PGR: variants seen among roughly 807,000 people sequenced by gnomAD.
The protein encoded by PGR is nuclear receptor subfamily 3 group C member 3.
PGR carries 25 observed loss-of-function variants against 76.1 expected under a neutral mutation model. The ratio of observed to expected loss-of-function variants is 0.33; its 90% CI spans 0.24 to 0.46. The LOEUF (loss-of-function observed/expected upper bound fraction) is 0.46, where lower values mean the gene tolerates loss of function less well. Ranked by LOEUF, PGR falls within the 20% of genes least tolerant of loss-of-function variation. PGR has a pLI of 1.00. For missense variants in PGR, 1,172 were observed against 1,225.3 expected (o/e 0.96, Z 0.65); for synonymous variants, 579 against 535.0 (o/e 1.08, Z -1.14).
chr11:101,090,685 C>G (rs778720627), intron 3 of PGR, among the ~76,000 whole-genome samples: 4 of 152,226 alleles, frequency 2.6e-5, no homozygotes, highest in Non-Finnish European at 4.4e-5. Flanking sequence ...TTAAGCCAGG[C>G]ACTACTGTCA....
In PGR at chr11:101,031,309, T is replaced by TG. The variant is rs1859344560; in HGVS notation, c.*7806dup. 1 of 223,458 alleles carries TG rather than the reference T, an allele frequency of 4.5e-6. No homozygotes were observed. Among genetic ancestry groups the TG allele is most frequent in the Non-Finnish European group, 8.9e-6 (1 of 111,946 alleles). 13.8% of individuals were successfully genotyped at this position (223,458 alleles called of 1,614,324 possible). On this transcript the variant is annotated 3_prime_UTR_variant, in exon 8 of 8. Coordinates refer to ENST00000325455, the MANE Select transcript of PGR (RefSeq NM_000926.4). ...GCATAACTAACAAGGGACTGGTGTA[T>TG]GGCCAGTGAGGACCTGGAGAAAGAA...
At chr11:101,055,207 G>C (rs1182011199) in intron 4 of PGR, among the ~76,000 whole-genome samples, 1 of 151,972 alleles carries the variant, frequency 6.6e-6, no homozygotes, top group East Asian at 1.9e-4. Context: ...AAGGTCAAGA[G>C]ATTGAGACCA....
At chr11:101,069,243 C>CA (rs1253858873) in intron 3 of PGR, among the ~76,000 whole-genome samples, 1 of 151,656 alleles carries the variant, frequency 6.6e-6, no homozygotes, top group East Asian at 1.9e-4. Context: ...TTTATGTGGC[C>CA]AAAAAACATG....
rs753083284 is a variant in PGR, at chr11:101,127,700, G to T, written c.1371C>A (p.Thr457=). The change falls in exon 1 of 8, where the codon ACC becomes ACA. Residue 457 remains threonine (T), a synonymous_variant. Transcript: ENST00000325455. ...SVSSASSSGS[T]LECILYKAEG... is the part of the protein sequence containing the mutation. Reference sequence around the variant, plus strand: ...CCGCTTTGTACAGGATGCACTCCAGGGTCGACCCCGAGGAGGACGCAGACG... The same window carrying T: ...CCGCTTTGTACAGGATGCACTCCAGTGTCGACCCCGAGGAGGACGCAGACG... 3.7e-5 allele frequency: 58 copies of T among 1,582,976 alleles called. No homozygotes were observed. The highest frequency in any genetic ancestry group is 4.8e-5 in the Non-Finnish European group (56 of 1,173,690).
Position 101,128,855 on chromosome 11 carries a change from T to C in PGR, c.216A>G (p.Glu72=). ...ACAGCGACTGCTGGTCCTGCGTCTT[T>C]TCGTCGGAGGGGTCCTGTCCCTGGC... is the stretch of plus-strand genomic sequence containing the variant. The part of the protein sequence containing the change: ...RPCQGQDPSD[E]KTQDQQSLSD... The change falls in exon 1 of 8, where the codon GAA becomes GAG. Residue 72 remains glutamate (E), a synonymous_variant. Transcript: ENST00000325455. 1 of 1,614,152 alleles carries C rather than the reference T, an allele frequency of 6.2e-7. No individual in the cohort carries two copies. The highest frequency in any genetic ancestry group is 8.5e-7 in the Non-Finnish European group (1 of 1,180,030).
At chr11:101,071,128 A>T (rs983291653) in intron 3 of PGR, among the ~76,000 whole-genome samples, 5 of 152,150 alleles carry the variant, frequency 3.3e-5, no homozygotes, top group Non-Finnish European at 7.3e-5. Flanking sequence ...AGAGGAAGGA[A>T]CAGGCAGCAA....
At chr11:101,078,804 A>G (rs888846440) in intron 3 of PGR, among the ~76,000 whole-genome samples, 2 of 152,226 alleles carry the variant, frequency 1.3e-5, no homozygotes, top group African/African-American at 4.8e-5. Context: ...ATTCTACTGT[A>G]AGATTTTATT....
At chr11:101,081,795 C>G (rs890996585) in intron 3 of PGR, among the ~76,000 whole-genome samples, 1 of 152,194 alleles carries the variant, frequency 6.6e-6, no homozygotes, top group Non-Finnish European at 1.5e-5. Context: ...ATACCTGCTT[C>G]CACATAAACA....
At chr11:101,091,717 T>G in intron 3 of PGR, 43 bp downstream of exon 3, 3 of 985,344 alleles carry the variant, frequency 3.0e-6, no homozygotes, top group Non-Finnish European at 4.9e-6. Context: ...TTTTATAGTA[T>G]AAAGATTACA....
rs11571253 is a variant in PGR, at chr11:101,041,826, T to C, written c.2646+119A>G. The C allele has an allele frequency of 6.6e-4, 590 of 890,116 alleles. 3 individuals carry two copies. The African/African-American group carries it at 9.8e-3, about 15-fold the overall frequency. The allele number at this position is 890,116 out of a possible 1,614,324, so 55.1% of individuals were successfully genotyped here. On this transcript the variant is annotated intron_variant, in intron 7 of 7. Transcript: ENST00000325455. ...TCTGAGCAGCATGATCCAAACACTTTTAACATACAAGTATTAATCTGAGAA... is the reference window on the plus strand; with the variant it reads ...TCTGAGCAGCATGATCCAAACACTTCTAACATACAAGTATTAATCTGAGAA...
chr11:101,123,683 C>T (rs898765540), intron 2 of PGR, among the ~76,000 whole-genome samples: 1 of 152,174 alleles, frequency 6.6e-6, no homozygotes, highest in Non-Finnish European at 1.5e-5. Flanking sequence ...ATGTTCATAT[C>T]TTCCATGTAG....
chr11:101,069,953 T>G (rs1180098818), intron 3 of PGR, among the ~76,000 whole-genome samples: 2 of 151,460 alleles, frequency 1.3e-5, no homozygotes, highest in South Asian at 2.1e-4. Context: ...TGTATATCTA[T>G]GTAACAAACC....
rs484389 is a variant in PGR, at chr11:101,039,078, A to G, written c.*38T>C. ...AATCCTGACCAAAACAAAAAGACAT[A>G]CCACAAAATTTAATTCTTTAAAAGA... On this transcript the variant is annotated 3_prime_UTR_variant, in exon 8 of 8. Coordinates refer to ENST00000325455, the MANE Select transcript of PGR (RefSeq NM_000926.4). 0.24 allele frequency: 376,876 copies of G among 1,551,512 alleles called. 47,866 individuals are homozygous for G. The highest frequency in any genetic ancestry group is 0.39 in the African/African-American group (28,731 of 73,538).
intron 6 of PGR, among the ~76,000 whole-genome samples, chr11:101,049,488 G>A (rs1860016531): frequency 6.6e-6 from 1 of 152,078 alleles, no homozygotes; most frequent in African/African-American, 2.4e-5. Context: ...GTTTACATTA[G>A]TATCACCACG....
Position 101,115,385 on chromosome 11 carries a change from T to C in PGR, c.1789+10622A>G, listed in dbSNP as rs145831502. Among the ~76,000 whole-genome samples, 775 of 152,268 alleles carry C rather than the reference T, an allele frequency of 5.1e-3. 2 individuals carry two copies. Among genetic ancestry groups the C allele is most frequent in the Non-Finnish European group, 8.5e-3 (579 of 68,004 alleles). On this transcript the variant is annotated intron_variant, in intron 2 of 7. Transcript: ENST00000325455. ...CTTGAATATGGGATAAACTCCATGA[T>C]TGAACGAAAACTATATGAAGTTAGG...
intron 4 of PGR, among the ~76,000 whole-genome samples, chr11:101,058,281 T>C (rs1860363835): frequency 6.6e-6 from 1 of 152,212 alleles, no homozygotes; most frequent in Non-Finnish European, 1.5e-5. Context: ...AACCATGGTT[T>C]AGTCTTTATC....
rs187495718 is a variant in PGR at position 101,036,167 on chromosome 11, T to C, written c.*2949A>G. 985 of 220,904 alleles carry C rather than the reference T, an allele frequency of 4.5e-3. 12 individuals are homozygous for C. The highest frequency in any genetic ancestry group is 0.02 in the African/African-American group (909 of 44,748). The allele number at this position is 220,904 out of a possible 1,614,324, so 13.7% of individuals were successfully genotyped here. ...ATTTAAGTTACAGGTTGACATTCCA[T>C]GGCTACTTACAAGGCATAGTTTTGG... On this transcript the variant is annotated 3_prime_UTR_variant, in exon 8 of 8. Transcript: ENST00000325455.
chr11:101,080,134 G>C (rs1861254550), intron 3 of PGR, among the ~76,000 whole-genome samples: 1 of 152,124 alleles, frequency 6.6e-6, no homozygotes, highest in South Asian at 2.1e-4. Context: ...CTTCTCCTTG[G>C]GGCTGAGCAG....
intron 2 of PGR, among the ~76,000 whole-genome samples, chr11:101,119,680 A>G (rs1197932621): frequency 6.6e-6 from 1 of 152,256 alleles, no homozygotes; most frequent in East Asian, 1.9e-4. Flanking sequence ...TCAAGTGGAA[A>G]TATAAACCAA....
Sources: gnomAD v4.1 joint callset for allele counts (sites outside exome capture counted in the v4.1 genomes callset) on GRCh38, gnomAD v4.1.1 for gene constraint, MANE v1.5 for transcripts, NCBI Gene and HGNC (gene_info 2026-07-23, HGNC 2026-07-21) for gene names.